Variants in RNF157 observed in about 807,000 individuals in gnomAD.
The protein encoded by RNF157 is ring finger protein 157.
Under a neutral mutation model 88.3 loss-of-function variants are expected in RNF157, and 55 were observed. The observed-to-expected ratio is 0.62, with a 90% CI of 0.50 to 0.78. RNF157 has a LOEUF of 0.78. Ranked by LOEUF, RNF157 falls within the 30% of genes least tolerant of loss-of-function variation. The pLI, the probability that RNF157 is intolerant of heterozygous loss-of-function variation, is 0.00. For synonymous variants in RNF157, 334 were observed against 341.2 expected, an observed-to-expected ratio of 0.98 and a Z score of 0.23; for missense variants, 788 against 860.8, an observed-to-expected ratio of 0.92 and a Z score of 1.06.
intron 1 of RNF157, among the ~76,000 whole-genome samples, chr17:76,213,553 G>C (rs1029393185): frequency 7.3e-6 from 1 of 137,532 alleles, no homozygotes; most frequent in African/African-American, 2.8e-5. Context: ...CTAGGTGACA[G>C]AGCAAAACTC....
Position 76,145,147 on chromosome 17 carries a change from T to C in RNF157, c.*88A>G. The C allele has an allele frequency of 1.2e-6, 1 of 823,970 alleles. No individual in the cohort carries two copies. Among genetic ancestry groups the C allele is most frequent in the South Asian group, 1.7e-5 (1 of 60,486 alleles). 51.0% of individuals were successfully genotyped at this position (823,970 alleles called of 1,614,324 possible). A position where few individuals can be genotyped will look rare whatever the true frequency, so the allele number is the denominator to read the frequency against. ...ACAGGAGGGTAAAAAGTCTCCAGCATCTTGCTGAGGATGCCCAGTAGGCAG... is the reference window on the plus strand; with the variant it reads ...ACAGGAGGGTAAAAAGTCTCCAGCACCTTGCTGAGGATGCCCAGTAGGCAG... On this transcript the variant is annotated 3_prime_UTR_variant, in exon 19 of 19. Transcript: ENST00000269391.
chr17:76,174,573 T>C (rs1463010084), intron 2 of RNF157, among the ~76,000 whole-genome samples: 1 of 152,244 alleles, frequency 6.6e-6, no homozygotes, highest in African/African-American at 2.4e-5. Flanking sequence ...GCAATCAAAA[T>C]GTTTTAACAT....
At chr17:76,211,656 T>C (rs1018128120) in intron 2 of RNF157, among the ~76,000 whole-genome samples, 2 of 152,206 alleles carry the variant, frequency 1.3e-5, no homozygotes, top group Admixed American at 6.5e-5. Flanking sequence ...CTCAGTTCTC[T>C]CGCTTATAAA....
intron 2 of RNF157, among the ~76,000 whole-genome samples, chr17:76,189,635 A>G (rs945465287): frequency 1.3e-5 from 2 of 152,236 alleles, no homozygotes; most frequent in African/African-American, 4.8e-5. Context: ...GAGAACTAAA[A>G]CACGAAAAGG....
rs968031191 is a variant in RNF157 at position 76,199,571 on chromosome 17, A to T, written c.207+12793T>A. Among the ~76,000 whole-genome samples, 39 of 54,854 alleles carry T rather than the reference A, an allele frequency of 7.1e-4. No homozygotes were observed. The East Asian group carries it at 0.037, about 52-fold the overall frequency. The allele number at this position is 54,854 out of a possible 152,430, so 36.0% of individuals were successfully genotyped here. The stretch of plus-strand genomic sequence containing the variant: ...GCCCTGCCAAAAGCAGCTGAAAGTT[A>T]AAAAAAAAAAAAAAAAAAAAAGAAC... On this transcript the variant is annotated intron_variant, in intron 2 of 18. Coordinates refer to ENST00000269391, the MANE Select transcript of RNF157 (RefSeq NM_052916.3).
intron 1 of RNF157, chr17:76,226,434 G>T: frequency 6.3e-7 from 1 of 1,597,958 alleles, no homozygotes; most frequent in Non-Finnish European, 8.6e-7. Context: ...TGGACTAGGG[G>T]GGCAAAGAGA....
intron 1 of RNF157, among the ~76,000 whole-genome samples, chr17:76,232,312 C>T (rs761045592): frequency 1.3e-5 from 2 of 151,926 alleles, no homozygotes; most frequent in Admixed American, 1.3e-4. Context: ...TGCCTGAGCC[C>T]AGTAGGTCGA....
chr17:76,239,176 A>G (rs2145096776), intron 1 of RNF157, among the ~76,000 whole-genome samples: 1 of 152,338 alleles, frequency 6.6e-6, no homozygotes, highest in Admixed American at 6.5e-5. Flanking sequence ...AGAAGTCTTG[A>G]GAATAAAATT....
intron 1 of RNF157, among the ~76,000 whole-genome samples, chr17:76,222,544 T>C (rs938376983): frequency 6.6e-6 from 1 of 152,126 alleles, no homozygotes; most frequent in African/African-American, 2.4e-5. Context: ...TATTTTAACT[T>C]CCAAGCATGT....
chr17:76,154,412 C>A, intron 16 of RNF157, 84 bp from the exon 17 acceptor site: 1 of 888,978 alleles, frequency 1.1e-6, no homozygotes. Flanking sequence ...AATCATCCTA[C>A]TGGTATCTAA....
intron 1 of RNF157, among the ~76,000 whole-genome samples, chr17:76,217,354 C>G (rs2069905908): frequency 6.6e-6 from 1 of 152,076 alleles, no homozygotes; most frequent in Non-Finnish European, 1.5e-5. Flanking sequence ...ATTGGTATTT[C>G]ATTTTACAAC....
chr17:76,199,504 T>C (rs993392641), intron 2 of RNF157, among the ~76,000 whole-genome samples: 1 of 151,590 alleles, frequency 6.6e-6, no homozygotes, highest in Non-Finnish European at 1.5e-5. Context: ...TCCTCCCACT[T>C]TGGCCTCCCA....
At chr17:76,204,428 C>T (rs2144993932) in intron 2 of RNF157, among the ~76,000 whole-genome samples, 1 of 152,322 alleles carries the variant, frequency 6.6e-6, no homozygotes, top group South Asian at 2.1e-4. Context: ...GGGGGCACAT[C>T]AGCTGCCCCA....
At chr17:76,236,967 T>C (rs1372928869) in intron 1 of RNF157, among the ~76,000 whole-genome samples, 3 of 152,188 alleles carry the variant, frequency 2.0e-5, no homozygotes, top group African/African-American at 7.2e-5. Context: ...ATGGGAGGTT[T>C]AGAGGGAGGA....
intron 6 of RNF157, 139 bp downstream of exon 6, chr17:76,166,322 G>C: frequency 1.4e-6 from 1 of 730,698 alleles, no homozygotes; most frequent in Non-Finnish European, 2.4e-6. Context: ...TCACAGATGT[G>C]AGAGGATGCA....
At chr17:76,204,848 G>A (rs536822381) in intron 2 of RNF157, among the ~76,000 whole-genome samples, 5 of 150,530 alleles carry the variant, frequency 3.3e-5, no homozygotes, top group Middle Eastern at 3.4e-3. Flanking sequence ...ACAGTGGTGC[G>A]ATCTCGGCTC....
intron 2 of RNF157, among the ~76,000 whole-genome samples, chr17:76,182,501 ATT>A (rs138224301): frequency 7.1e-6 from 1 of 141,606 alleles, no homozygotes; most frequent in African/African-American, 2.7e-5. Context: ...CATGTCCTAG[ATT>A]TTTTTTTTTA....
At chr17:76,198,777 A>G (rs560651066) in intron 2 of RNF157, among the ~76,000 whole-genome samples, 48 of 152,362 alleles carry the variant, frequency 3.2e-4, no homozygotes, top group African/African-American at 1.1e-3. Flanking sequence ...CCACACCTAC[A>G]GGACAAAAAT....
intron 7 of RNF157, 103 bp from the exon 8 acceptor site, chr17:76,164,898 A>G: frequency 1.4e-6 from 1 of 723,594 alleles, no homozygotes; most frequent in South Asian, 1.8e-5. Flanking sequence ...CCTGATCTGC[A>G]GTTTCATTTT....
Sources: allele counts gnomAD v4.1 joint callset (sites outside exome capture counted in the v4.1 genomes callset), GRCh38; gene constraint gnomAD v4.1.1; transcripts MANE v1.5; gene names NCBI Gene and HGNC (gene_info 2026-07-23, HGNC 2026-07-21).